The following GABRP variants were observed in gnomAD, a reference collection of about 807,000 sequenced individuals.
The protein encoded by GABRP is gamma-aminobutyric acid type A receptor subunit pi.
In GABRP, 52 loss-of-function variants were observed where a neutral mutation model predicts 47.8. The observed-to-expected ratio is 1.09, with a 90% confidence interval of 0.87 to 1.37. GABRP has a LOEUF of 1.37. Ranked by LOEUF, GABRP falls within the 40% of genes most tolerant of loss-of-function variation. The pLI is 0.00. For missense variants in GABRP, 525 were observed against 542.8 expected (o/e 0.97, Z 0.33); for synonymous variants, 221 against 205.8 (o/e 1.07, Z -0.63).
chr5:170,805,880 A>C, intron 7 of GABRP, 27 bp downstream of exon 7: 1 of 1,610,984 alleles, frequency 6.2e-7, no homozygotes, highest in South Asian at 1.1e-5. Flanking sequence ...ACTGTATGAA[A>C]TAAAAATAAG....
At position 170,794,191 on chromosome 5, in the gene GABRP, T is replaced by C. The variant is rs377733184; in HGVS notation, c.173-40T>C. On this transcript the variant is annotated intron_variant, in intron 3 of 9. Transcript: ENST00000265294. ...ACTAATATAGTATTAAGACAGCTCA[T>C]GGTTGTGTTTCCATTCTTTCTTGTT... 8.5e-6 allele frequency: 12 copies of C among 1,409,476 alleles called. No homozygotes were observed. In the African/African-American group the frequency reaches 1.3e-4, roughly 15 times the overall value. The allele number at this position is 1,409,476 out of a possible 1,614,324, so 87.3% of individuals were successfully genotyped here. A position where few individuals can be genotyped will look rare whatever the true frequency, so the allele number is the denominator to read the frequency against.
intron 9 of GABRP, 38 bp from the exon 10 acceptor site, chr5:170,811,918 T>A (rs901105539): frequency 5.7e-6 from 9 of 1,578,992 alleles, no homozygotes; most frequent in Non-Finnish European, 7.8e-6. Flanking sequence ...TTTTGCTGAG[T>A]CAAGTCTTTT....
At chr5:170,795,922 T>C (rs140236190) in intron 5 of GABRP, among the ~76,000 whole-genome samples, 21 of 152,342 alleles carry the variant, frequency 1.4e-4, no homozygotes, top group African/African-American at 4.8e-4. Flanking sequence ...GTCTGAGTCA[T>C]GTTTGTAGAG....
At chr5:170,786,608 G>T (rs937109098) in intron 1 of GABRP, among the ~76,000 whole-genome samples, 1 of 152,138 alleles carries the variant, frequency 6.6e-6, no homozygotes, top group Non-Finnish European at 1.5e-5. Context: ...AGTTGGGTCA[G>T]CTTGCTTAGA....
chr5:170,797,628 CA>C (rs1481155628), intron 6 of GABRP, 80 bp downstream of exon 6: 1 of 819,002 alleles, frequency 1.2e-6, no homozygotes, highest in Non-Finnish European at 2.1e-6. Flanking sequence ...GTATCTCATA[CA>C]CAGTGACCTT....
chr5:170,794,130 G>A (rs1765355729), intron 3 of GABRP, 101 bp from the exon 4 acceptor site: 2 of 693,130 alleles, frequency 2.9e-6, no homozygotes, highest in Non-Finnish European at 4.4e-6. Flanking sequence ...TAACAACCAA[G>A]CACAACTTTT....
intron 7 of GABRP, among the ~76,000 whole-genome samples, chr5:170,808,328 G>A (rs141058265): frequency 1.3e-4 from 20 of 152,274 alleles, no homozygotes; most frequent in African/African-American, 4.6e-4. Context: ...TGTCTAGTGA[G>A]GCAGACGTCA....
chr5:170,794,999 T>G (rs767418877), intron 4 of GABRP, among the ~76,000 whole-genome samples: 4 of 146,920 alleles, frequency 2.7e-5, no homozygotes, highest in Non-Finnish European at 6.1e-5. Context: ...AACCCAAGAC[T>G]GGGGTAACTG....
intron 4 of GABRP, 100 bp from the exon 5 acceptor site, chr5:170,795,107 GA>G: frequency 1.3e-6 from 1 of 797,410 alleles, no homozygotes; most frequent in Non-Finnish European, 2.2e-6. Context: ...GCTCTAAGTG[GA>G]GGTGGGGAGG....
chr5:170,794,336 C>T, intron 4 of GABRP, 38 bp downstream of exon 4: 1 of 1,312,738 alleles, frequency 7.6e-7, no homozygotes, highest in Non-Finnish European at 1.1e-6. Flanking sequence ...CAAGTAGTCC[C>T]TCTCTGTGTG....
chr5:170,811,872 T>C, intron 9 of GABRP, 84 bp from the exon 10 acceptor site: 1 of 1,285,166 alleles, frequency 7.8e-7, no homozygotes, highest in Admixed American at 2.0e-5. Context: ...CACTTAGGCC[T>C]CTAAACTTTT....
intron 3 of GABRP, among the ~76,000 whole-genome samples, chr5:170,791,880 T>A (rs1765280284): frequency 6.6e-6 from 1 of 152,212 alleles, no homozygotes; most frequent in African/African-American, 2.4e-5. Context: ...TTTTAGAGGC[T>A]GAGGAGTCCA....
At chr5:170,783,044 C>G (rs1307745172), upstream of GABRP, 1 of 152,340 alleles carries the variant, frequency 6.6e-6, no homozygotes, top group Non-Finnish European at 1.5e-5. Context: ...TGGGATGCTC[C>G]TGAAAGGACT....
chr5:170,805,095 A>G (rs1250290937), intron 6 of GABRP, among the ~76,000 whole-genome samples: 1 of 149,556 alleles, frequency 6.7e-6, no homozygotes, highest in East Asian at 1.9e-4. Context: ...AGAAATGTCC[A>G]TCTTAGAATT....
At chr5:170,788,978 C>T in intron 2 of GABRP, 151 bp from the exon 3 acceptor site, 3 of 697,756 alleles carry the variant, frequency 4.3e-6, no homozygotes. Flanking sequence ...TAGCTGAAAA[C>T]TAAGAGATTT....
At position 170,805,709 on chromosome 5, in the gene GABRP, T is replaced by C. The variant is rs1276489017; in HGVS notation, c.542-7T>C. ...TGCACTGACCAGGGCTCCATTTTAT[T>C]TGCCAGGGGGCTATGATGGAAATGA... On this transcript the variant is annotated splice_polypyrimidine_tract_variant and splice_region_variant and intron_variant, in intron 6 of 9. Coordinates refer to ENST00000265294, the MANE Select transcript of GABRP (RefSeq NM_014211.3). 5 of 1,614,136 alleles carry C rather than the reference T, an allele frequency of 3.1e-6. No individual in the cohort carries two copies. In the East Asian group the frequency reaches 8.9e-5, roughly 29 times the overall value.
chr5:170,796,727 C>T (rs959563332), intron 5 of GABRP, among the ~76,000 whole-genome samples: 4 of 152,190 alleles, frequency 2.6e-5, no homozygotes, highest in African/African-American at 9.7e-5. Flanking sequence ...CTCTGTCTCC[C>T]TAAAGGGAGT....
At chr5:170,783,320 TAC>T (rs1765051954), upstream of GABRP, among the ~76,000 whole-genome samples, 1 of 152,170 alleles carries the variant, frequency 6.6e-6, no homozygotes, top group Non-Finnish European at 1.5e-5. Context: ...ATCGGAGTTT[TAC>T]ACACAGTCAG....
intron 3 of GABRP, among the ~76,000 whole-genome samples, chr5:170,791,108 GA>G (rs906574886): frequency 6.6e-6 from 1 of 152,172 alleles, no homozygotes; most frequent in Non-Finnish European, 1.5e-5. Context: ...AATTAAGTCA[GA>G]ATACACTCCT....
Sources: gnomAD v4.1 joint callset for allele counts (sites outside exome capture counted in the v4.1 genomes callset) on GRCh38, gnomAD v4.1.1 for gene constraint, MANE v1.5 for transcripts, NCBI Gene and HGNC (gene_info 2026-07-23, HGNC 2026-07-21) for gene names.